Variants in SMYD1 observed in about 807,000 individuals in gnomAD.
SMYD1 encodes SET and MYND domain containing 1.
A neutral mutation model predicts 54.0 loss-of-function variants in SMYD1; 49 were observed. That is an observed-to-expected ratio of 0.91 (90% confidence interval 0.72 to 1.15). The LOEUF (loss-of-function observed/expected upper bound fraction) is 1.15. Among genes scored for constraint, SMYD1 ranks in the 50% most tolerant of loss-of-function variants. The pLI is 0.00. For missense variants in SMYD1, 653 were observed against 639.6 expected (o/e 1.02, Z -0.23); for synonymous variants, 269 against 234.2 (o/e 1.15, Z -1.36).
At chr2:88,079,759 T>G (rs1674146845) in intron 1 of SMYD1, among the ~76,000 whole-genome samples, 1 of 152,166 alleles carries the variant, frequency 6.6e-6, no homozygotes, top group South Asian at 2.1e-4. Flanking sequence ...AGGCGGAGGT[T>G]GCAGTGAGCC....
intron 1 of SMYD1, among the ~76,000 whole-genome samples, chr2:88,072,337 G>T (rs1176783836): frequency 6.6e-6 from 1 of 152,116 alleles, no homozygotes; most frequent in East Asian, 1.9e-4. Flanking sequence ...TTTTAGTAGA[G>T]ACAGGGTTTC....
intron 6 of SMYD1, among the ~76,000 whole-genome samples, chr2:88,101,144 A>C (rs377326863): frequency 2.7e-4 from 41 of 152,344 alleles, no homozygotes; most frequent in African/African-American, 9.1e-4. Flanking sequence ...AGCTGGAAGA[A>C]GGAGGGAAGA....
chr2:88,092,347 G>A (rs961133046), intron 4 of SMYD1, among the ~76,000 whole-genome samples: 1 of 152,170 alleles, frequency 6.6e-6, no homozygotes. Context: ...TGAGCTCCTG[G>A]TGGTCCATGG....
chr2:88,096,668 G>A lies in SMYD1; in HGVS notation c.772G>A (p.Val258Ile), dbSNP rs565724752. The change falls in exon 6 of 10, where the codon GTT becomes ATT. Residue 258 changes from valine to isoleucine, a missense_variant. Physicochemically the swap from Val to Ile is conservative, Grantham distance 29 (BLOSUM62 3). Coordinates refer to ENST00000419482, the MANE Select transcript of SMYD1 (RefSeq NM_198274.4). ...LTVSYIDFLN[V>I]SEERKRQLKK... Reference sequence around the variant, plus strand: ...TGTGTCCTATATTGACTTCCTCAACGTTAGTGAAGAACGCAAGAGGCAGCT... The same window carrying A: ...TGTGTCCTATATTGACTTCCTCAACATTAGTGAAGAACGCAAGAGGCAGCT... 1.5e-4 allele frequency: 247 copies of A among 1,614,168 alleles called. 2 individuals are homozygous for A. The highest frequency in any genetic ancestry group is 1.3e-3 in the Middle Eastern group (8 of 6,062).
Position 88,106,188 on chromosome 2 carries a change from G to A in SMYD1, c.982-137G>A. 3 of 1,181,256 alleles carry A rather than the reference G, an allele frequency of 2.5e-6. No homozygotes were observed. The South Asian group carries it at 4.5e-5, about 18-fold the overall frequency. 73.2% of individuals were successfully genotyped at this position (1,181,256 alleles called of 1,614,324 possible). A position where few individuals can be genotyped will look rare whatever the true frequency, so the allele number is the denominator to read the frequency against. ...ACTTTGCAATTCATACCCCAAACCT[G>A]TGCTTTCCCACCTCTGTCAGCAATT... On this transcript the variant is annotated intron_variant, in intron 7 of 9. Coordinates refer to ENST00000419482, the MANE Select transcript of SMYD1 (RefSeq NM_198274.4).
At chr2:88,074,034 A>G (rs1022302568) in intron 1 of SMYD1, among the ~76,000 whole-genome samples, 11 of 152,176 alleles carry the variant, frequency 7.2e-5, no homozygotes, top group Non-Finnish European at 1.6e-4. Context: ...AAAGAGAGAG[A>G]AAGAGAGAGG....
chr2:88,087,805 G>A (rs978281099), intron 2 of SMYD1, 57 bp from the exon 3 acceptor site: 25 of 1,419,716 alleles, frequency 1.8e-5, no homozygotes, highest in Non-Finnish European at 2.4e-5. Context: ...CCCAGTAAAT[G>A]TGTGTTGAAG....
chr2:88,096,829 G>C, intron 6 of SMYD1, 45 bp downstream of exon 6: 1 of 1,572,160 alleles, frequency 6.4e-7, no homozygotes, highest in Non-Finnish European at 8.6e-7. Context: ...TGTCTTCTCC[G>C]GGAGCCAGTC....
intron 4 of SMYD1, among the ~76,000 whole-genome samples, chr2:88,092,546 A>G (rs1488813142): frequency 1.3e-5 from 2 of 152,252 alleles, no homozygotes; most frequent in African/African-American, 4.8e-5. Flanking sequence ...CTAAGCTTCA[A>G]TATGCCAAGT....
chr2:88,085,588 A>G (rs555788698), intron 2 of SMYD1, among the ~76,000 whole-genome samples: 2 of 152,334 alleles, frequency 1.3e-5, no homozygotes, highest in African/African-American at 4.8e-5. Context: ...CCTTAGCTCC[A>G]TCTATTGAAA....
intron 3 of SMYD1, among the ~76,000 whole-genome samples, chr2:88,089,838 C>T (rs1000542414): frequency 6.6e-6 from 1 of 151,998 alleles, no homozygotes; most frequent in Non-Finnish European, 1.5e-5. Flanking sequence ...GTGATCTGCC[C>T]ATCTCTGCCT....
chr2:88,089,471 A>G (rs1674413806), intron 3 of SMYD1, among the ~76,000 whole-genome samples: 1 of 152,164 alleles, frequency 6.6e-6, no homozygotes, highest in South Asian at 2.1e-4. Flanking sequence ...TATTTTATAG[A>G]ACAGAAAACC....
chr2:88,095,054 A>G (rs1674549166), intron 5 of SMYD1, among the ~76,000 whole-genome samples: 1 of 152,102 alleles, frequency 6.6e-6, no homozygotes, highest in African/African-American at 2.4e-5. Context: ...AGTACCATTC[A>G]TGATGGTATG....
At position 88,068,050 on chromosome 2, in the gene SMYD1, C is replaced by A. The variant is rs751918074; in HGVS notation, c.137+49C>A. On this transcript the variant is annotated intron_variant, in intron 1 of 9. Coordinates refer to ENST00000419482, the MANE Select transcript of SMYD1 (RefSeq NM_198274.4). ...TCTCTCCTGTTAGTTTGGCTGGGGC[C>A]AAACTCTAAAATACTTTGCTCTCAA... The A allele has an allele frequency of 4.8e-5, 75 of 1,576,924 alleles. No individual in the cohort carries two copies. The Middle Eastern group carries it at 6.2e-4, about 13-fold the overall frequency.
At chr2:88,100,364 C>G (rs1674694860) in intron 6 of SMYD1, among the ~76,000 whole-genome samples, 1 of 152,178 alleles carries the variant, frequency 6.6e-6, no homozygotes, top group South Asian at 2.1e-4. Flanking sequence ...TTGAGCAAGA[C>G]TTTGATGAAC....
chr2:88,107,656 C>T (rs1558859880), intron 8 of SMYD1, among the ~76,000 whole-genome samples: 1 of 152,248 alleles, frequency 6.6e-6, no homozygotes, highest in African/African-American at 2.4e-5. Context: ...GCGCCCCTCC[C>T]CCAGCCTCGC....
At position 88,110,217 on chromosome 2, in the gene SMYD1, G is replaced by T. The variant is rs767545945; in HGVS notation, c.1315-137G>T. The T allele has an allele frequency of 6.7e-5, 55 of 822,866 alleles. 1 individual carries two copies. In the Middle Eastern group the frequency reaches 1.0e-3, roughly 16 times the overall value. 51.0% of individuals were successfully genotyped at this position (822,866 alleles called of 1,614,324 possible). ...GATGAATGAGTGTGTGTGTGTGTGT[G>T]TGTGTGTGTGTGTGTGTATTCTGAG... On this transcript the variant is annotated intron_variant, in intron 9 of 9. Coordinates refer to ENST00000419482, the MANE Select transcript of SMYD1 (RefSeq NM_198274.4).
At chr2:88,081,319 A>G (rs888750856) in intron 1 of SMYD1, among the ~76,000 whole-genome samples, 16 of 152,200 alleles carry the variant, frequency 1.1e-4, no homozygotes, top group African/African-American at 3.9e-4. Context: ...CTCCATAAAG[A>G]TGTCTAGAAA....
At chr2:88,077,927 G>T (rs1674106591) in intron 1 of SMYD1, among the ~76,000 whole-genome samples, 1 of 152,082 alleles carries the variant, frequency 6.6e-6, no homozygotes, top group Admixed American at 6.5e-5. Flanking sequence ...GTTTCACTAT[G>T]TTGGCCAGGC....
Sources: gnomAD v4.1 joint callset for allele counts (sites outside exome capture counted in the v4.1 genomes callset) on GRCh38, gnomAD v4.1.1 for gene constraint, MANE v1.5 for transcripts, NCBI Gene and HGNC (gene_info 2026-07-23, HGNC 2026-07-21) for gene names.